SMARCB1: variants seen among roughly 807,000 people sequenced by gnomAD.
SMARCB1 encodes SWI/SNF related BAF chromatin remodeling complex subunit B1, also known as SWI/SNF-related matrix-associated actin-dependent regulator of chromatin subfamily B member 1.
A neutral mutation model predicts 49.0 loss-of-function variants in SMARCB1; 5 were observed. That is an observed-to-expected ratio of 0.10 (90% confidence interval 0.05 to 0.21). SMARCB1 has a LOEUF of 0.21. Among genes scored for constraint, SMARCB1 ranks in the 10% least tolerant of loss-of-function variants. SMARCB1 has a pLI of 1.00. For synonymous variants in SMARCB1, 201 were observed against 200.1 expected (o/e 1.00, Z -0.04); for missense variants, 226 against 509.2 (o/e 0.44, Z 5.35).
rs199851555 is a variant in SMARCB1, at chr22:23,816,749, C to A, written c.629-21C>A. The A allele has an allele frequency of 2.5e-6, 4 of 1,610,154 alleles. No individual in the cohort carries two copies. In the East Asian group the frequency reaches 8.9e-5, roughly 36 times the overall value. On this transcript the variant is annotated intron_variant, in intron 5 of 8. Coordinates refer to ENST00000644036, the MANE Select transcript of SMARCB1 (RefSeq NM_003073.5). ...AAGCATGGTGCAATCTCTTGGCATC[C>A]CTTCCCTCTCCTGATTTCAGAGAAG...
At chr22:23,831,746 C>T (rs1379224822) in intron 7 of SMARCB1, among the ~76,000 whole-genome samples, 1 of 152,158 alleles carries the variant, frequency 6.6e-6, no homozygotes, top group Admixed American at 6.5e-5. Flanking sequence ...GGGCTTGGTA[C>T]CTTTCACGTC....
chr22:23,834,272 GC>G lies in SMARCB1; in HGVS notation c.*95del. 7.3e-7 allele frequency: 1 copy of G among 1,372,584 alleles called. No homozygotes were observed. 85.0% of individuals were successfully genotyped at this position (1,372,584 alleles called of 1,614,324 possible). Reference sequence around the variant, plus strand: ...TGGCAAGGACAGAGGCGAGGGGACAGCCCAGCGCCATCCTGAGGATCGGGTG... The same window carrying G: ...TGGCAAGGACAGAGGCGAGGGGACAGCCAGCGCCATCCTGAGGATCGGGTG... On this transcript the variant is annotated 3_prime_UTR_variant, in exon 9 of 9. Transcript: ENST00000644036.
At chr22:23,817,149 C>T (rs1171427514) in intron 6 of SMARCB1, 2 of 605,328 alleles carry the variant, frequency 3.3e-6, no homozygotes, top group Non-Finnish European at 3.0e-6. Flanking sequence ...CGGACACATT[C>T]AGGGGGTGTC....
chr22:23,835,034 G>C lies in SMARCB1; in HGVS notation c.*854G>C. ...GTGGCACCCATAGCCAGGTCAGCTG[G>C]GGCCCTTTCCCACCCCAGCAGGTGC... On this transcript the variant is annotated 3_prime_UTR_variant, in exon 9 of 9. Transcript: ENST00000644036. 1 of 1,412,724 alleles carries C rather than the reference G, an allele frequency of 7.1e-7. No homozygotes were observed. Among genetic ancestry groups the C allele is most frequent in the Non-Finnish European group, 9.2e-7 (1 of 1,085,682 alleles). 87.5% of individuals were successfully genotyped at this position (1,412,724 alleles called of 1,614,324 possible).
At chr22:23,822,884 A>C (rs1601430193) in intron 6 of SMARCB1, among the ~76,000 whole-genome samples, 4 of 115,858 alleles carry the variant, frequency 3.5e-5, no homozygotes, top group African/African-American at 6.6e-5. Flanking sequence ...CCTCCCTGGC[A>C]CTCCCGTGCT....
intron 7 of SMARCB1, among the ~76,000 whole-genome samples, chr22:23,828,841 T>C (rs1573277): frequency 0.92 from 139,638 of 152,258 alleles, 64,196 homozygotes; most frequent in Middle Eastern, 0.97. Context: ...GACATGTGTG[T>C]GCAAGGCCAC....
chr22:23,827,362 G>T (rs2030436429), intron 7 of SMARCB1, among the ~76,000 whole-genome samples: 6 of 152,318 alleles, frequency 3.9e-5, no homozygotes, highest in Admixed American at 3.9e-4. Flanking sequence ...CTCCTGCTCT[G>T]ACCCGAAGGT....
intron 2 of SMARCB1, chr22:23,793,222 C>T: frequency 2.5e-6 from 1 of 392,710 alleles, no homozygotes; most frequent in South Asian, 2.2e-5. Flanking sequence ...GAGTGAGGAC[C>T]AAGAGAATAT....
rs34293732 is a variant in SMARCB1 at position 23,805,718 on chromosome 22, T to G, written c.628+2296T>G. On this transcript the variant is annotated intron_variant, in intron 5 of 8. Transcript: ENST00000644036. ...CGGGATTTCACCATATTGGTCAAGC[T>G]GGTCTCAAACTCCTGACCTCAGGTG... Among the ~76,000 whole-genome samples the G allele has an allele frequency of 2.0e-3, 298 of 152,324 alleles. 1 individual carries two copies. Among genetic ancestry groups the G allele is most frequent in the African/African-American group, 6.8e-3 (281 of 41,578 alleles).
chr22:23,838,008 G>T lies in SMARCB1; in HGVS notation c.*3828G>T. Reference sequence around the variant, plus strand: ...CCAATAAAGGCGACACACTCCACGGGCTTCAGGTCCCACGAAATCTGCCCT... The same window carrying T: ...CCAATAAAGGCGACACACTCCACGGTCTTCAGGTCCCACGAAATCTGCCCT... On this transcript the variant is annotated 3_prime_UTR_variant, in exon 9 of 9. Transcript: ENST00000644036. 1 of 1,260,048 alleles carries T rather than the reference G, an allele frequency of 7.9e-7. No individual in the cohort carries two copies. Among genetic ancestry groups the T allele is most frequent in the Non-Finnish European group, 1.1e-6 (1 of 932,870 alleles). The allele number at this position is 1,260,048 out of a possible 1,614,324, so 78.1% of individuals were successfully genotyped here. A position where few individuals can be genotyped will look rare whatever the true frequency, so the allele number is the denominator to read the frequency against.
At position 23,791,878 on chromosome 22, in the gene SMARCB1, A is replaced by G; in HGVS notation, c.216A>G (p.Thr72=). ...KIVASSHGKK[T]KPNTKDHGYT... The stretch of plus-strand genomic sequence containing the variant: ...TTGCATCGTCACATGGTAAAAAAAC[A>G]AAACCTAACACTAAGGGTGCGTCTT... Residue 72 remains threonine (T), a synonymous_variant, in exon 2 of 9, where the codon ACA becomes ACG. Coordinates refer to ENST00000644036, the MANE Select transcript of SMARCB1 (RefSeq NM_003073.5). 1 of 1,614,212 alleles carries G rather than the reference A, an allele frequency of 6.2e-7. No individual in the cohort carries two copies. The highest frequency in any genetic ancestry group is 1.1e-5 in the South Asian group (1 of 91,086).
chr22:23,793,405 T>G (rs1268498744), intron 2 of SMARCB1, 154 bp from the exon 3 acceptor site: 3 of 818,484 alleles, frequency 3.7e-6, no homozygotes, highest in Non-Finnish European at 6.4e-6. Flanking sequence ...CAGATTGCCC[T>G]TTTGGAAGAG....
chr22:23,817,002 C>T (rs894247401), intron 6 of SMARCB1, 66 bp downstream of exon 6: 6 of 1,344,730 alleles, frequency 4.5e-6, no homozygotes, highest in African/African-American at 1.4e-5. Flanking sequence ...TCATGGAGCA[C>T]TGAGGGTACA....
At chr22:23,791,690 G>A (rs1456272544) in intron 1 of SMARCB1, 66 bp from the exon 2 acceptor site, 6 of 1,539,160 alleles carry the variant, frequency 3.9e-6, no homozygotes, top group South Asian at 3.4e-5. Context: ...TGCAGTCTGC[G>A]CCAGGACCCT....
At chr22:23,804,243 G>C (rs976511713) in intron 5 of SMARCB1, 1 of 151,062 alleles carries the variant, frequency 6.6e-6, no homozygotes, top group Non-Finnish European at 1.5e-5. Flanking sequence ...CCACTCTGTT[G>C]CCCAGGCTGG....
In SMARCB1 at chr22:23,835,177, G is replaced by A. The variant is rs1431982803; in HGVS notation, c.*997G>A. Reference sequence around the variant, plus strand: ...GTACAGGGAGGAGACACAGCCCAGGGTCCCTTCCCAGCCCTGCCTCCAAGG... The same window carrying A: ...GTACAGGGAGGAGACACAGCCCAGGATCCCTTCCCAGCCCTGCCTCCAAGG... On this transcript the variant is annotated 3_prime_UTR_variant, in exon 9 of 9. Transcript: ENST00000644036. 5 of 1,284,094 alleles carry A rather than the reference G, an allele frequency of 3.9e-6. No individual in the cohort carries two copies. Among genetic ancestry groups the A allele is most frequent in the Non-Finnish European group, 4.9e-6 (5 of 1,018,004 alleles). The allele number at this position is 1,284,094 out of a possible 1,614,324, so 79.5% of individuals were successfully genotyped here. A position where few individuals can be genotyped will look rare whatever the true frequency, so the allele number is the denominator to read the frequency against.
intron 4 of SMARCB1, chr22:23,801,286 C>G: frequency 2.6e-6 from 2 of 780,824 alleles, no homozygotes; most frequent in Non-Finnish European, 4.4e-6. Flanking sequence ...CTGCTGTCAC[C>G]TTGCCATGTC....
chr22:23,791,147 A>G (rs943330970), intron 1 of SMARCB1, among the ~76,000 whole-genome samples: 2 of 152,138 alleles, frequency 1.3e-5, no homozygotes, highest in African/African-American at 2.4e-5. Context: ...GTCTAGATTT[A>G]TTTTCCTTAA....
intron 5 of SMARCB1, among the ~76,000 whole-genome samples, chr22:23,813,956 A>T (rs1422335715): frequency 6.6e-6 from 1 of 152,068 alleles, no homozygotes; most frequent in Non-Finnish European, 1.5e-5. Context: ...TAGTCTCCCG[A>T]GTAGGTGGGA....
Sources: gnomAD v4.1 joint callset for allele counts (sites outside exome capture counted in the v4.1 genomes callset) on GRCh38, gnomAD v4.1.1 for gene constraint, MANE v1.5 for transcripts, NCBI Gene and HGNC (gene_info 2026-07-23, HGNC 2026-07-21) for gene names.